Variants in RFX6 observed in about 807,000 individuals in gnomAD.
RFX6 encodes the protein DNA-binding protein RFX6.
A neutral mutation model predicts 110.8 loss-of-function variants in RFX6; 50 were observed. The ratio of observed to expected loss-of-function variants is 0.45; its 90% CI spans 0.36 to 0.57. The LOEUF (loss-of-function observed/expected upper bound fraction) is 0.57, where lower values mean the gene tolerates loss of function less well. Ranked by LOEUF, RFX6 falls within the 20% of genes least tolerant of loss-of-function variation. The pLI is 0.00. For missense variants in RFX6, 990 were observed against 1,127.0 expected, an observed-to-expected ratio of 0.88 and a Z score of 1.74; for synonymous variants, 383 against 411.2, an observed-to-expected ratio of 0.93 and a Z score of 0.83.
chr6:116,920,231 T>C, intron 11 of RFX6, 79 bp from the exon 12 acceptor site: 29 of 1,140,668 alleles, frequency 2.5e-5, no homozygotes, highest in South Asian at 2.3e-4. Flanking sequence ...CAAGGAACTA[T>C]TTTTCTGATA....
At position 116,877,959 on chromosome 6, in the gene RFX6, C is replaced by A. The variant is rs757785283; in HGVS notation, c.380+7C>A. 6.2e-7 allele frequency: 1 copy of A among 1,613,712 alleles called. No individual in the cohort carries two copies. The highest frequency in any genetic ancestry group is 1.1e-5 in the South Asian group (1 of 91,060). ...CACAGCTCACGCTGCAGTGGTGAGA[C>A]TCGCCCGCAGGGTACACTGAAGCAC... On this transcript the variant is annotated splice_region_variant and intron_variant, in intron 2 of 18. Coordinates refer to ENST00000332958, the MANE Select transcript of RFX6 (RefSeq NM_173560.4).
chr6:116,879,387 T>C (rs1774538231), intron 2 of RFX6, among the ~76,000 whole-genome samples: 1 of 151,980 alleles, frequency 6.6e-6, no homozygotes, highest in South Asian at 2.1e-4. Flanking sequence ...GTGAAAAAGC[T>C]GGCTGATTAA....
chr6:116,878,030 A>C, intron 2 of RFX6, 78 bp downstream of exon 2: 2 of 1,412,864 alleles, frequency 1.4e-6, no homozygotes, highest in Non-Finnish European at 2.0e-6. Flanking sequence ...TTTGATTTTC[A>C]CAATTTACTT....
chr6:116,922,089 A>C lies in RFX6; in HGVS notation c.1375A>C (p.Asn459His), dbSNP rs1446549084. 6.4e-7 allele frequency: 1 copy of C among 1,570,788 alleles called. No homozygotes were observed. The highest frequency in any genetic ancestry group is 8.8e-7 in the Non-Finnish European group (1 of 1,141,794). Reference sequence around the variant, plus strand: ...AGAACTGAAGGATCTCCTTAAGAAGAATGCCACTGTGGAGGCTTTTATTGA... The same window carrying C: ...AGAACTGAAGGATCTCCTTAAGAAGCATGCCACTGTGGAGGCTTTTATTGA... ...FQELKDLLKK[N>H]ATVEAFIEWL... The change falls in exon 13 of 19, where the codon AAT becomes CAT. Residue 459 changes from asparagine (N) to histidine (H), a missense_variant. Coordinates refer to ENST00000332958, the MANE Select transcript of RFX6 (RefSeq NM_173560.4).
chr6:116,877,438 G>T lies in RFX6; in HGVS notation c.163G>T (p.Gly55Cys). ...VYLAAEGQPG[G>C]EQGGGEKGED... ...CCTGGCGGCCGAAGGGCAGCCCGGG[G>T]GCGAGCAGGGCGGCGGGGAGAAAGG... Residue 55 changes from glycine (G) to cysteine (C), a missense_variant, in exon 1 of 19, where the codon GGC becomes TGC. Around this residue, in one of 5 missense-constraint regions of RFX6, gnomAD observed 175 missense variants for 162.3 expected, o/e 1.08. Coordinates refer to ENST00000332958, the MANE Select transcript of RFX6 (RefSeq NM_173560.4). The T allele has an allele frequency of 6.3e-7, 1 of 1,587,550 alleles. No homozygotes were observed. Among genetic ancestry groups the T allele is most frequent in the East Asian group, 2.3e-5 (1 of 43,514 alleles).
At position 116,927,321 on chromosome 6, in the gene RFX6, G is replaced by A. The variant is rs1184868222; in HGVS notation, c.2180G>A (p.Cys727Tyr). Reference sequence around the variant, plus strand: ...CCTCATCACACCGAGCATGGTCGATGCATGGCTTGGACTGAACAGCAGCTT... The same window carrying A: ...CCTCATCACACCGAGCATGGTCGATACATGGCTTGGACTGAACAGCAGCTT... The part of the protein sequence containing the change: ...LYPHHTEHGR[C>Y]MAWTEQQLSR... Residue 727 changes from cysteine (C) to tyrosine (Y), a missense_variant, in exon 17 of 19, where the codon TGC (cysteine) becomes TAC (tyrosine). Physicochemically the swap from Cys to Tyr is radical, Grantham distance 194. Coordinates refer to ENST00000332958, the MANE Select transcript of RFX6 (RefSeq NM_173560.4). 2 of 1,614,200 alleles carry A rather than the reference G, an allele frequency of 1.2e-6. No individual in the cohort carries two copies. The highest frequency in any genetic ancestry group is 2.2e-5 in the South Asian group (2 of 91,086).
chr6:116,904,153 G>A (rs1026445221), intron 6 of RFX6, among the ~76,000 whole-genome samples: 2 of 151,984 alleles, frequency 1.3e-5, no homozygotes, highest in Non-Finnish European at 2.9e-5. Flanking sequence ...TGATGAGCTA[G>A]AATATATTTT....
chr6:116,883,760 G>A (rs1287363045), intron 4 of RFX6, among the ~76,000 whole-genome samples: 13 of 152,018 alleles, frequency 8.6e-5, no homozygotes. Flanking sequence ...AAAAACATAG[G>A]TCCTACTTTT....
chr6:116,887,558 T>C lies in RFX6; in HGVS notation c.566+5130T>C, dbSNP rs186692182. On this transcript the variant is annotated intron_variant, in intron 4 of 18. Transcript: ENST00000332958. ...TTTTATTATCTGTGATATTTTTTAA[T>C]TGAGGTTTTGAATAAATAAAAAATG... is the stretch of plus-strand genomic sequence containing the variant. Among the ~76,000 whole-genome samples, 13 of 152,330 alleles carry C rather than the reference T, an allele frequency of 8.5e-5. No individual in the cohort carries two copies. In the East Asian group the frequency reaches 2.3e-3, roughly 27 times the overall value.
rs78840700 is a variant in RFX6, at chr6:116,927,238, C to G, written c.2097C>G (p.Thr699=). Reference sequence around the variant, plus strand: ...AAGCCAATCATGACTTTTATAGCACCAGCTCTAACTACCAGACTGTGTTTA... The same window carrying G: ...AAGCCAATCATGACTTTTATAGCACGAGCTCTAACTACCAGACTGTGTTTA... The part of the protein sequence containing the change: ...LPQANHDFYS[T]SSNYQTVFRA... The change falls in exon 17 of 19, where the codon ACC becomes ACG. Residue 699 remains threonine (T), a synonymous_variant. Transcript: ENST00000332958. 3.0e-4 allele frequency: 489 copies of G among 1,614,170 alleles called. 3 individuals are homozygous for G. In the African/African-American group the frequency reaches 5.8e-3, roughly 19 times the overall value.
At chr6:116,929,571 T>A (rs903088101) in intron 18 of RFX6, among the ~76,000 whole-genome samples, 2 of 152,194 alleles carry the variant, frequency 1.3e-5, no homozygotes, top group Non-Finnish European at 2.9e-5. Flanking sequence ...CCTCCTGGAA[T>A]CTTCTTCCAA....
intron 15 of RFX6, among the ~76,000 whole-genome samples, chr6:116,925,248 A>G (rs1378913214): frequency 1.3e-5 from 2 of 152,212 alleles, no homozygotes; most frequent in Non-Finnish European, 2.9e-5. Context: ...CTACATCCAC[A>G]TCCGCAAATA....
intron 4 of RFX6, among the ~76,000 whole-genome samples, chr6:116,884,395 T>G (rs1774655352): frequency 6.6e-6 from 1 of 152,208 alleles, no homozygotes; most frequent in African/African-American, 2.4e-5. Flanking sequence ...CAATTAATAC[T>G]TATTTAATTG....
chr6:116,917,338 GTTT>G (rs5879394), intron 9 of RFX6, among the ~76,000 whole-genome samples: 1 of 139,218 alleles, frequency 7.2e-6, no homozygotes, highest in East Asian at 2.1e-4. Context: ...GGATTGTCTT[GTTT>G]TTTTTTTTTT....
intron 14 of RFX6, chr6:116,923,672 G>A (rs900237585): frequency 2.6e-5 from 5 of 191,408 alleles, no homozygotes; most frequent in South Asian, 9.9e-5. Context: ...AATTTCTGCA[G>A]CTTTTCTGAG....
chr6:116,897,966 A>G (rs1774986429), intron 6 of RFX6, among the ~76,000 whole-genome samples: 1 of 152,154 alleles, frequency 6.6e-6, no homozygotes, highest in Non-Finnish European at 1.5e-5. Context: ...TAGGGAAAAA[A>G]TGAATGAGAA....
chr6:116,913,094 C>T (rs1003988809), intron 7 of RFX6, among the ~76,000 whole-genome samples: 2 of 152,112 alleles, frequency 1.3e-5, no homozygotes, highest in African/African-American at 4.8e-5. Flanking sequence ...GAGACAGACC[C>T]TCCCTCTGTT....
At chr6:116,882,219 T>C (rs1430498845) in intron 3 of RFX6, 148 bp from the exon 4 acceptor site, 1 of 682,622 alleles carries the variant, frequency 1.5e-6, no homozygotes, top group Non-Finnish European at 2.7e-6. Context: ...CTTATCAATA[T>C]GTGTAAGTTA....
intron 6 of RFX6, among the ~76,000 whole-genome samples, chr6:116,904,480 G>A (rs1364254524): frequency 6.6e-6 from 1 of 151,990 alleles, no homozygotes; most frequent in Non-Finnish European, 1.5e-5. Context: ...TATTTCATTT[G>A]TAATTGGTTT....
Sources: gnomAD v4.1 joint callset for allele counts (sites outside exome capture counted in the v4.1 genomes callset) on GRCh38, gnomAD v4.1.1 for gene constraint, gnomAD v4.1.1 regional missense constraint, MANE v1.5 for transcripts, NCBI Gene and HGNC (gene_info 2026-07-23, HGNC 2026-07-21) for gene names.